DZIP1L: variants seen among roughly 807,000 people sequenced by gnomAD.
DZIP1L encodes the protein cilium assembly protein DZIP1L.
DZIP1L carries 90 observed loss-of-function variants against 88.7 expected under a neutral mutation model. The ratio of observed to expected loss-of-function variants is 1.02; its 90% CI spans 0.86 to 1.21. The LOEUF (loss-of-function observed/expected upper bound fraction) is 1.21, where lower values mean the gene tolerates loss of function less well. Among genes scored for constraint, DZIP1L ranks in the 50% most tolerant of loss-of-function variants. The probability of loss-of-function intolerance (pLI) is 0.00; values close to 1 mark genes in which losing one functional copy is unlikely to be tolerated. For missense variants in DZIP1L, 932 were observed against 955.8 expected (o/e 0.98, Z 0.33); for synonymous variants, 363 against 372.1 (o/e 0.98, Z 0.28).
At chr3:138,102,395 G>T in intron 2 of DZIP1L, 1 of 1,292,448 alleles carries the variant, frequency 7.7e-7, no homozygotes, top group Non-Finnish European at 1.1e-6. Flanking sequence ...TGTTCTCGAA[G>T]TCCTCCACCC....
chr3:138,080,193 A>G (rs576212833), intron 10 of DZIP1L, among the ~76,000 whole-genome samples: 1 of 152,174 alleles, frequency 6.6e-6, no homozygotes, highest in Non-Finnish European at 1.5e-5. Context: ...AGCAAAGGCC[A>G]TTTTAAGTCA....
chr3:138,076,575 C>T (rs1943419683), intron 11 of DZIP1L, among the ~76,000 whole-genome samples: 2 of 152,176 alleles, frequency 1.3e-5, no homozygotes. Flanking sequence ...GAATACTACT[C>T]AGCCCTAAAA....
chr3:138,101,595 G>A (rs1253092288), intron 2 of DZIP1L: 22 of 800,504 alleles, frequency 2.7e-5, no homozygotes, highest in South Asian at 1.2e-4. Context: ...TGGAGCCTGC[G>A]CCAGAGCCAA....
chr3:138,099,431 A>C (rs1360851013), intron 2 of DZIP1L, among the ~76,000 whole-genome samples: 1 of 152,214 alleles, frequency 6.6e-6, no homozygotes, highest in East Asian at 1.9e-4. Flanking sequence ...CTAACTTACA[A>C]TCTTCAGAGT....
intron 5 of DZIP1L, among the ~76,000 whole-genome samples, chr3:138,091,007 C>G (rs1162665933): frequency 6.6e-6 from 1 of 151,630 alleles, no homozygotes; most frequent in Non-Finnish European, 1.5e-5. Context: ...CCTCAGCCTC[C>G]CAAGCAGCTG....
chr3:138,097,447 T>C (rs1944531514), intron 3 of DZIP1L, among the ~76,000 whole-genome samples: 1 of 152,206 alleles, frequency 6.6e-6, no homozygotes, highest in Non-Finnish European at 1.5e-5. Flanking sequence ...TCACTCCATC[T>C]GACTGCCCCA....
chr3:138,097,047 G>A (rs1209882975), intron 3 of DZIP1L, among the ~76,000 whole-genome samples: 2 of 151,966 alleles, frequency 1.3e-5, no homozygotes, highest in East Asian at 1.9e-4. Context: ...CAGGTATGGT[G>A]GTGCGTGCCT....
In DZIP1L at chr3:138,086,956, G is replaced by A; in HGVS notation, c.1062+5C>T. On this transcript the variant is annotated splice_donor_5th_base_variant and intron_variant, in intron 7 of 15. Transcript: ENST00000327532. Reference sequence around the variant, plus strand: ...AGCTCCCCGAGATCACCCAACAAAAGCTACCTCTTTCTTCTCAGCCATGTG... The same window carrying A: ...AGCTCCCCGAGATCACCCAACAAAAACTACCTCTTTCTTCTCAGCCATGTG... 6.2e-7 allele frequency: 1 copy of A among 1,613,598 alleles called. No individual in the cohort carries two copies. The highest frequency in any genetic ancestry group is 1.1e-5 in the South Asian group (1 of 90,990).
chr3:138,091,240 A>C (rs1441697382), intron 5 of DZIP1L, among the ~76,000 whole-genome samples: 1 of 152,058 alleles, frequency 6.6e-6, no homozygotes, highest in Non-Finnish European at 1.5e-5. Flanking sequence ...GAAATTATAG[A>C]GCTGGGTTCA....
intron 9 of DZIP1L, 78 bp downstream of exon 9, chr3:138,081,656 G>T (rs1675727755): frequency 2.7e-6 from 4 of 1,458,970 alleles, no homozygotes; most frequent in Non-Finnish European, 3.8e-6. Context: ...TGAATTGACT[G>T]GGGGAGAGGG....
chr3:138,104,718 C>T (rs566720781), intron 1 of DZIP1L, among the ~76,000 whole-genome samples: 1 of 152,168 alleles, frequency 6.6e-6, no homozygotes, highest in East Asian at 1.9e-4. Context: ...AAGAGAGTTA[C>T]GGAGTCTCTG....
At chr3:138,086,481 T>A (rs1943945631) in intron 7 of DZIP1L, among the ~76,000 whole-genome samples, 1 of 152,148 alleles carries the variant, frequency 6.6e-6, no homozygotes, top group Admixed American at 6.5e-5. Context: ...AGAAGCTGTT[T>A]GCTCTGCCCT....
At chr3:138,066,131 C>T (rs1942888292) in intron 14 of DZIP1L, among the ~76,000 whole-genome samples, 1 of 152,222 alleles carries the variant, frequency 6.6e-6, no homozygotes, top group Admixed American at 6.5e-5. Context: ...CTGTGGCTGC[C>T]TCCTCTGTCT....
chr3:138,066,641 G>A (rs757813742), intron 14 of DZIP1L, among the ~76,000 whole-genome samples: 41 of 146,540 alleles, frequency 2.8e-4, no homozygotes, highest in Non-Finnish European at 4.9e-4. Context: ...AGACTTGTGC[G>A]AAGAGATCCA....
chr3:138,064,418 A>G (rs943625404), intron 15 of DZIP1L: 1 of 1,499,080 alleles, frequency 6.7e-7, no homozygotes, highest in African/African-American at 1.4e-5. Context: ...TAATGAACCA[A>G]AAGGCTTTTT....
chr3:138,114,281 A>T (rs773092994), intron 1 of DZIP1L, among the ~76,000 whole-genome samples: 12 of 152,244 alleles, frequency 7.9e-5, no homozygotes, highest in Non-Finnish European at 1.8e-4. Flanking sequence ...TTGACCAAAT[A>T]TCAGCTCCAT....
At chr3:138,110,925 C>T (rs894051713) in intron 1 of DZIP1L, among the ~76,000 whole-genome samples, 5 of 152,180 alleles carry the variant, frequency 3.3e-5, no homozygotes, top group Non-Finnish European at 7.4e-5. Flanking sequence ...TGTCTGGCTC[C>T]AAAGTTTTTT....
chr3:138,104,065 A>G lies in DZIP1L; in HGVS notation c.-81-13T>C. ...GCTGAGAGAAGGCCTGGAAAATAAG[A>G]AGAGAGTCCAAGTTAGGTGAGGTGT... is the stretch of plus-strand genomic sequence containing the variant. On this transcript the variant is annotated splice_polypyrimidine_tract_variant and intron_variant, in intron 1 of 15. Coordinates refer to ENST00000327532, the MANE Select transcript of DZIP1L (RefSeq NM_173543.3). 1 of 1,508,140 alleles carries G rather than the reference A, an allele frequency of 6.6e-7. No individual in the cohort carries two copies. The highest frequency in any genetic ancestry group is 2.3e-5 in the Admixed American group (1 of 43,868). The allele number at this position is 1,508,140 out of a possible 1,614,324, so 93.4% of individuals were successfully genotyped here. A position where few individuals can be genotyped will look rare whatever the true frequency, so the allele number is the denominator to read the frequency against.
intron 2 of DZIP1L, among the ~76,000 whole-genome samples, chr3:138,099,120 C>A (rs1381173703): frequency 2.6e-5 from 4 of 152,210 alleles, no homozygotes; most frequent in African/African-American, 4.8e-5. Flanking sequence ...CAGAGTGAGA[C>A]CCTGTCTCAA....
Sources: allele counts gnomAD v4.1 joint callset (sites outside exome capture counted in the v4.1 genomes callset), GRCh38; gene constraint gnomAD v4.1.1; transcripts MANE v1.5; gene names NCBI Gene and HGNC (gene_info 2026-07-23, HGNC 2026-07-21).